Variants in DPH6 observed in about 807,000 individuals in gnomAD.
The protein encoded by DPH6 is diphthine--ammonia ligase.
In DPH6, 33 loss-of-function variants were observed where a neutral mutation model predicts 38.2. The observed-to-expected ratio is 0.86, with a 90% confidence interval of 0.65 to 1.15. The LOEUF is 1.15. Among genes scored for constraint, DPH6 ranks in the 50% most tolerant of loss-of-function variants. DPH6 has a pLI of 0.00. For synonymous variants in DPH6, 108 were observed against 103.0 expected (o/e 1.05, Z -0.30); for missense variants, 325 against 320.0 (o/e 1.02, Z -0.12).
intron 6 of DPH6, among the ~76,000 whole-genome samples, chr15:35,405,405 T>C (rs1595535778): frequency 6.6e-6 from 1 of 152,088 alleles, no homozygotes; most frequent in East Asian, 1.9e-4. Flanking sequence ...TATAGTTTTC[T>C]TTGTAGACAT....
At chr15:35,389,263 A>G (rs1274341887) in intron 6 of DPH6, among the ~76,000 whole-genome samples, 2 of 152,108 alleles carry the variant, frequency 1.3e-5, no homozygotes, top group South Asian at 2.1e-4. Context: ...ACTTCCAACT[A>G]TGTGGTCAAT....
rs2054918401 is a variant in DPH6, at chr15:35,521,200, T to C, written c.312+17074A>G. 8 of 985,270 alleles carry C rather than the reference T, an allele frequency of 8.1e-6. 1 individual carries two copies. In the South Asian group the frequency reaches 3.8e-4, roughly 46 times the overall value. The allele number at this position is 985,270 out of a possible 1,614,324, so 61.0% of individuals were successfully genotyped here. A position where few individuals can be genotyped will look rare whatever the true frequency, so the allele number is the denominator to read the frequency against. ...GAGTATTGCTCCCTTAAATTATTAA[T>C]TTATGGGTTTTGCTTAGTTTCCTCC... On this transcript the variant is annotated intron_variant, in intron 3 of 8. Transcript: ENST00000256538.
intron 7 of DPH6, among the ~76,000 whole-genome samples, chr15:35,379,334 C>A (rs865824431): frequency 6.6e-6 from 1 of 152,194 alleles, no homozygotes. Flanking sequence ...TTGAATCAGA[C>A]GTTTGAAGTA....
chr15:35,253,280 A>G (rs992225561), intron 3 of DPH6, among the ~76,000 whole-genome samples: 5 of 152,222 alleles, frequency 3.3e-5, no homozygotes, highest in African/African-American at 1.2e-4. Flanking sequence ...TCATCAAGTG[A>G]AGTGAAGAAT....
intron 3 of DPH6, among the ~76,000 whole-genome samples, chr15:35,291,647 C>T (rs1192564152): frequency 1.3e-5 from 2 of 152,236 alleles, no homozygotes; most frequent in South Asian, 4.1e-4. Context: ...AATGTTCTCA[C>T]CTCCTCCCAA....
chr15:35,507,159 A>G (rs1346030259), intron 3 of DPH6, among the ~76,000 whole-genome samples: 4 of 152,152 alleles, frequency 2.6e-5, no homozygotes, highest in Non-Finnish European at 4.4e-5. Context: ...AAATAATCAG[A>G]CACTAATATT....
chr15:35,256,080 A>G (rs1323679009), intron 3 of DPH6, among the ~76,000 whole-genome samples: 3 of 152,156 alleles, frequency 2.0e-5, no homozygotes, highest in African/African-American at 7.2e-5. Flanking sequence ...AGGATAGTAC[A>G]AAGTTCCTGT....
At position 35,478,366 on chromosome 15, in the gene DPH6, TACACACACACACAC is replaced by T. The variant is rs66521447; in HGVS notation, c.313-23560_313-23547del. Among the ~76,000 whole-genome samples the T allele has an allele frequency of 1.4e-3, 193 of 142,150 alleles. 2 individuals carry two copies. In the Middle Eastern group the frequency reaches 0.029, roughly 21 times the overall value. 93.3% of individuals were successfully genotyped at this position (142,150 alleles called of 152,430 possible). ...TTACCCATACACACATACCCACACA[TACACACACACACAC>T]ACACACACACACACACACACACACA... On this transcript the variant is annotated intron_variant, in intron 3 of 8. Coordinates refer to ENST00000256538, the MANE Select transcript of DPH6 (RefSeq NM_080650.4).
chr15:35,448,149 T>C (rs1419677656), intron 5 of DPH6, among the ~76,000 whole-genome samples: 1 of 152,168 alleles, frequency 6.6e-6, no homozygotes, highest in Non-Finnish European at 1.5e-5. Context: ...AAGATACTCT[T>C]CCCCTCTAGT....
intron 5 of DPH6, among the ~76,000 whole-genome samples, chr15:35,424,798 G>A (rs184262724): frequency 6.6e-6 from 1 of 151,656 alleles, no homozygotes; most frequent in African/African-American, 2.4e-5. Flanking sequence ...CTGAAAAACT[G>A]GGAAAGAATA....
chr15:35,221,665 A>T (rs1036552653), intron 3 of DPH6, among the ~76,000 whole-genome samples: 1 of 152,168 alleles, frequency 6.6e-6, no homozygotes, highest in Non-Finnish European at 1.5e-5. Flanking sequence ...TGTCTTGATG[A>T]ATAGCACTTG....
intron 6 of DPH6, among the ~76,000 whole-genome samples, chr15:35,386,222 C>T (rs1007631777): frequency 6.6e-6 from 1 of 152,166 alleles, no homozygotes; most frequent in African/African-American, 2.4e-5. Context: ...GTATATGTGC[C>T]ACATTTTCTT....
At chr15:35,416,292 G>T (rs1490002491) in intron 5 of DPH6, among the ~76,000 whole-genome samples, 1 of 152,014 alleles carries the variant, frequency 6.6e-6, no homozygotes, top group Non-Finnish European at 1.5e-5. Flanking sequence ...TCACATACAT[G>T]AAAGATGGTT....
At chr15:35,152,477 T>C in the DPH6 span, among the ~76,000 whole-genome samples, 3 of 152,206 alleles carry the variant, frequency 2.0e-5, no homozygotes, top group Non-Finnish European at 4.4e-5. Context: ...AAAACGATTA[T>C]ATTGCATTTG....
Position 35,371,958 on chromosome 15 carries a change from T to C in DPH6, c.*192A>G. ...GAGTGAATTCCAAGAAAGTTGGCAC[T>C]ATTAATGAACATGCCGTCGACATTT... On this transcript the variant is annotated 3_prime_UTR_variant, in exon 9 of 9. Coordinates refer to ENST00000256538, the MANE Select transcript of DPH6 (RefSeq NM_080650.4). 2 of 1,280,074 alleles carry C rather than the reference T, an allele frequency of 1.6e-6. No homozygotes were observed. The highest frequency in any genetic ancestry group is 1.6e-5 in the African/African-American group (1 of 64,040). 79.3% of individuals were successfully genotyped at this position (1,280,074 alleles called of 1,614,324 possible).
chr15:35,388,595 T>C (rs893770488), intron 6 of DPH6, among the ~76,000 whole-genome samples: 2 of 152,242 alleles, frequency 1.3e-5, no homozygotes, highest in African/African-American at 2.4e-5. Context: ...CAGGAATTTA[T>C]CCATTTCTTC....
At chr15:35,533,906 C>G (rs1490770061) in intron 3 of DPH6, among the ~76,000 whole-genome samples, 1 of 152,028 alleles carries the variant, frequency 6.6e-6, no homozygotes, top group African/African-American at 2.4e-5. Flanking sequence ...CCACACTATC[C>G]TGAACTCCAG....
the DPH6 span, among the ~76,000 whole-genome samples, chr15:35,187,184 GT>G: frequency 8.5e-5 from 13 of 152,152 alleles, no homozygotes; most frequent in Non-Finnish European, 1.8e-4. Context: ...ATAAATATCA[GT>G]TTCCCAGAAT....
intron 6 of DPH6, among the ~76,000 whole-genome samples, chr15:35,400,347 T>G (rs2053200414): frequency 6.6e-6 from 1 of 152,074 alleles, no homozygotes; most frequent in African/African-American, 2.4e-5. Context: ...AGAATTGCAA[T>G]GTAACAATAT....
Sources: gnomAD v4.1 joint callset for allele counts (sites outside exome capture counted in the v4.1 genomes callset) on GRCh38, gnomAD v4.1.1 for gene constraint, MANE v1.5 for transcripts, NCBI Gene and HGNC (gene_info 2026-07-23, HGNC 2026-07-21) for gene names.